NCOA2: variants seen among roughly 807,000 people sequenced by gnomAD.
NCOA2 encodes the protein class E basic helix-loop-helix protein 75.
In NCOA2, 21 loss-of-function variants were observed where a neutral mutation model predicts 145.1. That is an observed-to-expected ratio of 0.14 (90% CI 0.10 to 0.21). NCOA2 has a LOEUF of 0.21. Among genes scored for constraint, NCOA2 ranks in the 10% least tolerant of loss-of-function variants. The probability of loss-of-function intolerance (pLI) is 1.00; values close to 1 mark genes in which losing one functional copy is unlikely to be tolerated. For missense variants in NCOA2, 1,472 were observed against 1,837.6 expected, an observed-to-expected ratio of 0.80 and a Z score of 3.64; for synonymous variants, 619 against 637.5, an observed-to-expected ratio of 0.97 and a Z score of 0.44.
At chr8:70,307,098 A>C (rs1301074180) in intron 1 of NCOA2, among the ~76,000 whole-genome samples, 1 of 152,050 alleles carries the variant, frequency 6.6e-6, no homozygotes, top group Admixed American at 6.6e-5. Flanking sequence ...ATTTGATATC[A>C]AGAAGATACT....
chr8:70,309,779 C>G, intron 1 of NCOA2, among the ~76,000 whole-genome samples: 1 of 151,736 alleles, frequency 6.6e-6, no homozygotes, highest in East Asian at 1.9e-4. Flanking sequence ...AGTGAGACAC[C>G]ATCTCTACCA....
intron 14 of NCOA2, among the ~76,000 whole-genome samples, chr8:70,139,791 T>TACA (rs1810172582): frequency 6.6e-6 from 1 of 151,826 alleles, no homozygotes; most frequent in Non-Finnish European, 1.5e-5. Flanking sequence ...TAGCTGGGAT[T>TACA]ACAGGTATGC....
chr8:70,330,472 G>A (rs1226776117), intron 1 of NCOA2, among the ~76,000 whole-genome samples: 1 of 151,592 alleles, frequency 6.6e-6, no homozygotes, highest in Admixed American at 6.6e-5. Context: ...TCAGGAGGCT[G>A]AGATGGAAAG....
intron 2 of NCOA2, among the ~76,000 whole-genome samples, chr8:70,243,546 CA>C (rs1822339362): frequency 6.6e-6 from 1 of 151,684 alleles, no homozygotes; most frequent in Admixed American, 6.6e-5. Context: ...TTAATTATTA[CA>C]AAAGTCTTGG....
At chr8:70,286,469 AC>A (rs1216525837) in intron 2 of NCOA2, among the ~76,000 whole-genome samples, 2 of 152,218 alleles carry the variant, frequency 1.3e-5, no homozygotes, top group African/African-American at 4.8e-5. Flanking sequence ...TTTTCAAGAG[AC>A]TTAACCGTGA....
intron 12 of NCOA2, among the ~76,000 whole-genome samples, chr8:70,145,324 A>ATTTTTTTTCT (rs879525132): frequency 6.8e-6 from 1 of 147,228 alleles, no homozygotes. Context: ...TGCCCGGCTA[A>ATTTTTTTTCT]TTTTTTCTTT....
intron 2 of NCOA2, among the ~76,000 whole-genome samples, chr8:70,218,868 G>T (rs1212227526): frequency 1.3e-5 from 2 of 152,092 alleles, no homozygotes; most frequent in Non-Finnish European, 2.9e-5. Flanking sequence ...GTAGGTATAG[G>T]TGACAAGTTT....
intron 1 of NCOA2, among the ~76,000 whole-genome samples, chr8:70,319,336 G>C (rs1805862537): frequency 6.6e-6 from 1 of 151,766 alleles, no homozygotes; most frequent in Admixed American, 6.6e-5. Context: ...GAGCCCAAGG[G>C]TTCGACACCA....
intron 20 of NCOA2, 57 bp downstream of exon 20, chr8:70,124,631 G>C (rs1808201771): frequency 1.3e-6 from 2 of 1,488,554 alleles, no homozygotes; most frequent in Non-Finnish European, 1.8e-6. Flanking sequence ...ATGAAGGTGG[G>C]GGATGTCCTT....
chr8:70,273,846 G>A (rs1387304287), intron 2 of NCOA2: 1 of 556,918 alleles, frequency 1.8e-6, no homozygotes, highest in African/African-American at 1.9e-5. Context: ...AAACTGAAGT[G>A]AGTCAACTTC....
chr8:70,407,656 G>A (rs1235616841), upstream of NCOA2, among the ~76,000 whole-genome samples: 1 of 152,052 alleles, frequency 6.6e-6, no homozygotes, highest in Non-Finnish European at 1.5e-5. Context: ...AATTAGCTGG[G>A]TGTGGTGGCG....
chr8:70,403,082 C>G (rs1814507976), intron 1 of NCOA2, among the ~76,000 whole-genome samples: 1 of 150,024 alleles, frequency 6.7e-6, no homozygotes, highest in South Asian at 2.1e-4. Flanking sequence ...CGACACCCCG[C>G]TTCACCTTCA....
chr8:70,432,181 G>A, the NCOA2 span, among the ~76,000 whole-genome samples: 2 of 151,868 alleles, frequency 1.3e-5, no homozygotes, highest in Non-Finnish European at 2.9e-5. Flanking sequence ...TACTGGTTTT[G>A]AATCTGTTAA....
intron 5 of NCOA2, among the ~76,000 whole-genome samples, chr8:70,171,301 A>C (rs927165600): frequency 6.6e-6 from 1 of 152,214 alleles, no homozygotes; most frequent in African/African-American, 2.4e-5. Flanking sequence ...TTTACAGAGG[A>C]GGAAACTGAG....
At chr8:70,447,682 C>CTTTTT in the NCOA2 span, among the ~76,000 whole-genome samples, 384 of 113,046 alleles carry the variant, frequency 3.4e-3, 22 homozygotes, top group East Asian at 0.039. Flanking sequence ...TCTTTGTTTT[C>CTTTTT]TTTTTTTTTT....
At chr8:70,281,196 A>C (rs778699062) in intron 2 of NCOA2, among the ~76,000 whole-genome samples, 1 of 151,924 alleles carries the variant, frequency 6.6e-6, no homozygotes, top group Non-Finnish European at 1.5e-5. Flanking sequence ...TCTACTAAAA[A>C]TACAAAAATT....
chr8:70,384,092 C>G (rs1812458285), intron 1 of NCOA2, among the ~76,000 whole-genome samples: 1 of 151,952 alleles, frequency 6.6e-6, no homozygotes. Flanking sequence ...CTTGAAAAAC[C>G]CAAAGAACCA....
intron 2 of NCOA2, among the ~76,000 whole-genome samples, chr8:70,245,991 TTAAG>T (rs1281549414): frequency 6.6e-6 from 1 of 152,148 alleles, no homozygotes; most frequent in Non-Finnish European, 1.5e-5. Flanking sequence ...TATATCCTTA[TTAAG>T]TAATTTATAA....
Position 70,380,844 on chromosome 8 carries a change from T to G in NCOA2, c.-77+22856A>C, listed in dbSNP as rs115543607. 4.4e-3 allele frequency among the ~76,000 whole-genome samples: 668 copies of G among 152,180 alleles called. 9 individuals are homozygous for G. Among genetic ancestry groups the G allele is most frequent in the African/African-American group, 0.015 (627 of 41,514 alleles). ...AATCCCAGCACTTTCGGAGGCCAAG[T>G]TAGGCAGATGACTTGAGTTCAGGAG... is the stretch of plus-strand genomic sequence containing the variant. On this transcript the variant is annotated intron_variant, in intron 1 of 22. Coordinates refer to ENST00000452400, the MANE Select transcript of NCOA2 (RefSeq NM_006540.4).
Sources: gnomAD v4.1 joint callset for allele counts (sites outside exome capture counted in the v4.1 genomes callset) on GRCh38, gnomAD v4.1.1 for gene constraint, MANE v1.5 for transcripts, NCBI Gene and HGNC (gene_info 2026-07-23, HGNC 2026-07-21) for gene names.